The following TPTE2 variants were observed in gnomAD, a reference collection of about 807,000 sequenced individuals.
TPTE2 encodes transmembrane phosphoinositide 3-phosphatase and tensin homolog 2.
A neutral mutation model predicts 78.6 loss-of-function variants in TPTE2; 53 were observed. The ratio of observed to expected loss-of-function variants is 0.67; its 90% CI spans 0.54 to 0.85. The LOEUF is 0.85. TPTE2 is among the 40% of genes least tolerant of loss of function. The pLI, the probability that TPTE2 is intolerant of heterozygous loss-of-function variation, is 0.00. For synonymous variants in TPTE2, 175 were observed against 206.2 expected (o/e 0.85, Z 1.30); for missense variants, 461 against 623.0 (o/e 0.74, Z 2.77).
Position 19,475,554 on chromosome 13 carries a change from T to G in TPTE2, c.230+19A>C. On this transcript the variant is annotated intron_variant, in intron 5 of 19. Coordinates refer to ENST00000400230, the Ensembl canonical transcript of TPTE2. ...TCTCAGATATATTTAATACATGGTG[T>G]TTTCTATGTCTCACATACCCAAATG... is the stretch of plus-strand genomic sequence containing the variant. 1.2e-6 allele frequency: 2 copies of G among 1,606,552 alleles called. No homozygotes were observed. Among genetic ancestry groups the G allele is most frequent in the Non-Finnish European group, 1.7e-6 (2 of 1,177,004 alleles).
intron 6 of TPTE2, among the ~76,000 whole-genome samples, chr13:19,470,246 G>C (rs1879523379): frequency 6.6e-6 from 1 of 152,104 alleles, no homozygotes; most frequent in Admixed American, 6.6e-5. Flanking sequence ...AAGGGATGTT[G>C]AATTTTATCA....
chr13:19,460,108 A>C (rs551898630), intron 10 of TPTE2, among the ~76,000 whole-genome samples: 7 of 152,290 alleles, frequency 4.6e-5, no homozygotes, highest in East Asian at 1.9e-4. Flanking sequence ...ACAGTGTGTA[A>C]AACTCCTGGG....
rs151110694 is a variant in TPTE2 at position 19,514,592 on chromosome 13, AGTGT to A, written c.-43-11319_-43-11316del. 9.6e-3 allele frequency among the ~76,000 whole-genome samples: 1,215 copies of A among 126,814 alleles called. 21 individuals are homozygous for A. Among genetic ancestry groups the A allele is most frequent in the African/African-American group, 0.026 (950 of 37,154 alleles). 83.2% of individuals were successfully genotyped at this position (126,814 alleles called of 152,430 possible). On this transcript the variant is annotated intron_variant, in intron 1 of 17. Coordinates refer to the TPTE2 transcript ENST00000390680. Reference sequence around the variant, plus strand: ...AGGATACAGCACCAGTACTTCTGAGAGTGTGTGTGTGTGTGTGTGTGTGTGTGTG... The same window carrying A: ...AGGATACAGCACCAGTACTTCTGAGAGTGTGTGTGTGTGTGTGTGTGTGTG...
the TPTE2 span, among the ~76,000 whole-genome samples, chr13:19,548,060 C>G: frequency 6.6e-6 from 1 of 151,990 alleles, no homozygotes; most frequent in Non-Finnish European, 1.5e-5. Context: ...ATATGATGCA[C>G]AATCAAATAA....
chr13:19,444,249 G>C (rs1231835158), intron 13 of TPTE2, among the ~76,000 whole-genome samples: 1 of 140,880 alleles, frequency 7.1e-6, no homozygotes, highest in Non-Finnish European at 1.5e-5. Context: ...TGAGGCTGTA[G>C]TGAGCCATGA....
chr13:19,496,028 C>A (rs760266912), intron 1 of TPTE2, among the ~76,000 whole-genome samples: 4 of 152,142 alleles, frequency 2.6e-5, no homozygotes, highest in Non-Finnish European at 5.9e-5. Flanking sequence ...GCCACCACAC[C>A]CAGCTAATTT....
At position 19,535,722 on chromosome 13, in the gene TPTE2, A is replaced by G. The variant is rs969543014; in HGVS notation, c.-44+874T>C. ...CCTCAGCTCACTGCAACTTCCACCT[A>G]CCAGGTTCAAGTGATTCTCCTGCCT... On this transcript the variant is annotated intron_variant, in intron 1 of 17. Coordinates refer to the TPTE2 transcript ENST00000390680. This position sits in a 1 kb window ranked among gnomAD's most constrained non-coding sequence, Gnocchi z 5.1. Among the ~76,000 whole-genome samples, 9 of 151,980 alleles carry G rather than the reference A, an allele frequency of 5.9e-5. No individual in the cohort carries two copies. The highest frequency in any genetic ancestry group is 2.2e-4 in the African/African-American group (9 of 41,372).
chr13:19,534,652 T>C (rs1409551044), intron 1 of TPTE2, among the ~76,000 whole-genome samples: 1 of 152,186 alleles, frequency 6.6e-6, no homozygotes, highest in African/African-American at 2.4e-5. Context: ...AGTAAATCAG[T>C]CTGTTTTCAG....
intron 10 of TPTE2, among the ~76,000 whole-genome samples, chr13:19,462,737 GT>G (rs1879008339): frequency 6.6e-6 from 1 of 151,756 alleles, no homozygotes; most frequent in Non-Finnish European, 1.5e-5. Context: ...TAGAAATGTG[GT>G]TTCTTCATGT....
At chr13:19,560,566 A>C in the TPTE2 span, 3 of 1,599,602 alleles carry the variant, frequency 1.9e-6, no homozygotes, top group East Asian at 4.5e-5. Context: ...GGCCCAGCTG[A>C]TGGTGACCAC....
chr13:19,472,039 A>G (rs1432404862), intron 6 of TPTE2, among the ~76,000 whole-genome samples: 1 of 152,126 alleles, frequency 6.6e-6, no homozygotes, highest in Non-Finnish European at 1.5e-5. Context: ...CTGCTGCCAG[A>G]TATATTGTAG....
Position 19,426,266 on chromosome 13 carries a change from T to C in TPTE2, c.1395+159A>G, listed in dbSNP as rs192816959. 1,281 of 587,934 alleles carry C rather than the reference T, an allele frequency of 2.2e-3. 3 individuals are homozygous for C. The highest frequency in any genetic ancestry group is 3.1e-3 in the Non-Finnish European group (1,029 of 328,988). The allele number at this position is 587,934 out of a possible 1,614,324, so 36.4% of individuals were successfully genotyped here. On this transcript the variant is annotated intron_variant, in intron 18 of 19. Coordinates refer to ENST00000400230, the Ensembl canonical transcript of TPTE2. ...AAAAAACAAATGAACACAAATTATT[T>C]AAATTACATACGCTCTTTTAAAAAA...
intron 1 of TPTE2, among the ~76,000 whole-genome samples, chr13:19,514,592 A>AGAGTGTGTGTGT (rs542178212): frequency 1.3e-3 from 168 of 126,822 alleles, no homozygotes; most frequent in African/African-American, 4.4e-3. Context: ...TACTTCTGAG[A>AGAGTGTGTGTGT]GTGTGTGTGT....
At chr13:19,507,381 GACA>G (rs1012634372), upstream of TPTE2, among the ~76,000 whole-genome samples, 10 of 147,742 alleles carry the variant, frequency 6.8e-5, no homozygotes, top group Non-Finnish European at 1.3e-4. Flanking sequence ...TGTCTCCATA[GACA>G]ACAACAGCAA....
the TPTE2 span, chr13:19,560,947 C>T: frequency 6.3e-7 from 1 of 1,598,556 alleles, no homozygotes. Context: ...GGATGGTCCT[C>T]TTGAAGAAGG....
At chr13:19,514,621 G>GTGTGTGTGTGTGTGTGTGTGTGTC in intron 1 of TPTE2, among the ~76,000 whole-genome samples, 1 of 148,482 alleles carries the variant, frequency 6.7e-6, no homozygotes, top group Non-Finnish European at 1.5e-5. Flanking sequence ...GTGTGTGTGT[G>GTGTGTGTGTGTGTGTGTGTGTGTC]TGTGTGTGTC....
the TPTE2 span, among the ~76,000 whole-genome samples, chr13:19,550,656 G>A: frequency 6.6e-6 from 1 of 152,120 alleles, no homozygotes; most frequent in African/African-American, 2.4e-5. Context: ...AGAGATGAAG[G>A]AAGTGAGGCT....
Position 19,528,271 on chromosome 13 carries a change from C to T in TPTE2, c.-44+8325G>A, listed in dbSNP as rs139832359. ...GCGTGGTGACAGACACCTGTAATCC[C>T]AGCTACTGAGGAGGCTGAGGCAGGA... On this transcript the variant is annotated intron_variant, in intron 1 of 17. Transcript: ENST00000390680. Among the ~76,000 whole-genome samples the T allele has an allele frequency of 6.7e-3, 1,014 of 151,716 alleles. 9 individuals carry two copies. The highest frequency in any genetic ancestry group is 0.022 in the African/African-American group (897 of 41,362).
chr13:19,448,027 T>C (rs1206404924), intron 13 of TPTE2, among the ~76,000 whole-genome samples: 2 of 152,126 alleles, frequency 1.3e-5, no homozygotes, highest in African/African-American at 4.8e-5. Context: ...AAAAAATCCA[T>C]GCATTTATAC....
Sources: gnomAD v4.1 joint callset for allele counts (sites outside exome capture counted in the v4.1 genomes callset) on GRCh38, gnomAD v4.1.1 for gene constraint, Gnocchi (gnomAD v3.1) non-coding constraint, MANE v1.5 for transcripts, NCBI Gene and HGNC (gene_info 2026-07-23, HGNC 2026-07-21) for gene names.